ZNF185: variants seen among roughly 807,000 people sequenced by gnomAD.
ZNF185 encodes zinc finger protein 185.
Under a neutral mutation model 58.6 loss-of-function variants are expected in ZNF185, and 56 were observed. The observed-to-expected ratio is 0.95, with a 90% CI of 0.77 to 1.19. ZNF185 has a LOEUF of 1.19. Ranked by LOEUF, ZNF185 falls within the 50% of genes most tolerant of loss-of-function variation. The pLI is 0.00. For synonymous variants in ZNF185, 230 were observed against 215.9 expected, an observed-to-expected ratio of 1.07 and a Z score of -0.57; for missense variants, 627 against 573.5, an observed-to-expected ratio of 1.09 and a Z score of -0.95.
intron 20 of ZNF185, among the ~76,000 whole-genome samples, chrX:152,968,640 C>T (rs1556916494): frequency 4.4e-5 from 5 of 112,815 alleles, no homozygotes; most frequent in Non-Finnish European, 5.6e-5. Context: ...CTTCTGGGTC[C>T]TCCGACAGAG....
intron 20 of ZNF185, among the ~76,000 whole-genome samples, chrX:152,969,021 A>G (rs1423960121): frequency 1.8e-5 from 2 of 111,867 alleles, no homozygotes; most frequent in Non-Finnish European, 3.8e-5. Context: ...TGTCTCCTGT[A>G]GGAGAAGGCA....
chrX:152,919,185 A>C, intron 7 of ZNF185, 104 bp downstream of exon 8: 3 of 626,786 alleles, frequency 4.8e-6, no homozygotes, highest in Non-Finnish European at 5.1e-6. Flanking sequence ...CAAAATGCAC[A>C]ACACGTAGGC....
At chrX:152,950,939 ATAAC>A (rs1403659357) in intron 16 of ZNF185, among the ~76,000 whole-genome samples, 2 of 112,415 alleles carry the variant, frequency 1.8e-5, no homozygotes, top group African/African-American at 6.5e-5. Context: ...CTTTAAAAAA[ATAAC>A]TAAGGACATA....
chrX:152,932,946 G>A lies in ZNF185; in HGVS notation c.1096G>A (p.Val366Ile), dbSNP rs782117827. The A allele has an allele frequency of 2.4e-5, 29 of 1,200,478 alleles. No homozygotes were observed. In the East Asian group the frequency reaches 8.4e-4, roughly 35 times the overall value. Reference sequence around the variant, plus strand: ...CTCCCGGCCTGAAGGCTTGGCTGCAGTAGACATCGGCTCCGAGAGAGGAAG... The same window carrying A: ...CTCCCGGCCTGAAGGCTTGGCTGCAATAGACATCGGCTCCGAGAGAGGAAG... The change falls in exon 14 of 23, where the codon GTA becomes ATA. Residue 366 changes from valine (V) to isoleucine (I), a missense_variant. Transcript: ENST00000449285.
At chrX:152,922,294 C>G (rs2125362704) in intron 10 of ZNF185, 38 bp downstream of exon 11, 1 of 1,109,234 alleles carries the variant, frequency 9.0e-7, no homozygotes, top group East Asian at 3.3e-5. Flanking sequence ...GGGCTGGTGG[C>G]TGCCATACCT....
chrX:152,936,793 A>G (rs1460228182), intron 14 of ZNF185, among the ~76,000 whole-genome samples: 1 of 110,470 alleles, frequency 9.1e-6, no homozygotes, highest in Non-Finnish European at 1.9e-5. Context: ...CTGAAGGCAG[A>G]GCCTGGGAAG....
At chrX:152,944,218 T>C in intron 15 of ZNF185, among the ~76,000 whole-genome samples, 1 of 112,921 alleles carries the variant, frequency 8.9e-6, no homozygotes, top group Non-Finnish European at 1.9e-5. Context: ...TTCCAAAAAG[T>C]GTGGCCTCTG....
intron 14 of ZNF185, among the ~76,000 whole-genome samples, chrX:152,933,189 T>A (rs1356224136): frequency 1.8e-5 from 2 of 112,803 alleles, no homozygotes; most frequent in African/African-American, 6.4e-5. Flanking sequence ...CCACTGGCCC[T>A]CAAGCTCCTC....
intron 3 of ZNF185, among the ~76,000 whole-genome samples, chrX:152,916,828 T>C (rs1057145091): frequency 3.5e-5 from 4 of 112,686 alleles, no homozygotes; most frequent in African/African-American, 9.7e-5. Context: ...GGCGCAGCAC[T>C]GGGAACTGGC....
the ZNF185 span, among the ~76,000 whole-genome samples, chrX:152,898,105 T>TACACCGCGCCCCGC: frequency 2.7e-5 from 1 of 36,891 alleles, no homozygotes; most frequent in South Asian, 1.0e-3. Context: ...CTCCCCGCTG[T>TACACCGCGCCCCGC]GCACCGCGCC....
At chrX:152,967,956 A>G (rs1413401873) in intron 20 of ZNF185, among the ~76,000 whole-genome samples, 16 of 112,244 alleles carry the variant, frequency 1.4e-4, no homozygotes, top group Admixed American at 5.7e-4. Flanking sequence ...CTCCCAGGTT[A>G]GGGATGTTTC....
the ZNF185 span, among the ~76,000 whole-genome samples, chrX:152,899,448 C>T: frequency 8.8e-6 from 1 of 113,025 alleles, no homozygotes; most frequent in Non-Finnish European, 1.9e-5. Context: ...TCCGCTGTTC[C>T]CCTCATCGCT....
intron 14 of ZNF185, among the ~76,000 whole-genome samples, chrX:152,935,238 C>CTCT (rs2046124371): frequency 1.0e-5 from 1 of 97,236 alleles, no homozygotes; most frequent in South Asian, 4.8e-4. Context: ...ATTGTTTTTC[C>CTCT]TTTTTTTTTT....
At chrX:152,958,841 G>A (rs782289936) in intron 16 of ZNF185, among the ~76,000 whole-genome samples, 37 of 112,280 alleles carry the variant, frequency 3.3e-4, no homozygotes, top group Non-Finnish European at 4.3e-4. Flanking sequence ...AAACTACGCG[G>A]TCACAACGAT....
At chrX:152,938,888 A>AGGT (rs1569506299) in intron 15 of ZNF185, among the ~76,000 whole-genome samples, 1 of 87,729 alleles carries the variant, frequency 1.1e-5, no homozygotes, top group African/African-American at 5.2e-5. Flanking sequence ...TGGAAAAGGC[A>AGGT]ACTCAGGCGA....
At chrX:152,940,140 T>C (rs2047007851) in intron 15 of ZNF185, among the ~76,000 whole-genome samples, 1 of 110,529 alleles carries the variant, frequency 9.0e-6, no homozygotes, top group Admixed American at 9.7e-5. Context: ...GAGAATCACC[T>C]AGGAAGTACT....
chrX:152,938,074 C>T, exon 15 of ZNF185: 1 of 1,175,679 alleles, frequency 8.5e-7, no homozygotes, highest in Non-Finnish European at 1.1e-6. Context: ...CCTTCCTCAG[C>T]TCCAGTGCCA....
intron 17 of ZNF185, among the ~76,000 whole-genome samples, chrX:152,961,615 A>G (rs977986360): frequency 3.6e-5 from 4 of 112,267 alleles, no homozygotes; most frequent in African/African-American, 9.7e-5. Flanking sequence ...TCCTGTGAGC[A>G]GCCATGTACA....
intron 16 of ZNF185, among the ~76,000 whole-genome samples, chrX:152,958,879 G>A (rs1242438534): frequency 8.9e-6 from 1 of 112,586 alleles, no homozygotes; most frequent in Non-Finnish European, 1.9e-5. Flanking sequence ...CACGCGCGCT[G>A]AGATCGTGCG....
Sources: gnomAD v4.1 joint callset for allele counts (sites outside exome capture counted in the v4.1 genomes callset) on GRCh38, gnomAD v4.1.1 for gene constraint, MANE v1.5 for transcripts, NCBI Gene and HGNC (gene_info 2026-07-23, HGNC 2026-07-21) for gene names.